The following IL1RAPL1 variants were observed in gnomAD, a reference collection of about 807,000 sequenced individuals.
IL1RAPL1 encodes interleukin-1 receptor accessory protein-like 1.
In IL1RAPL1, 3 loss-of-function variants were observed where a neutral mutation model predicts 48.4. The observed-to-expected ratio is 0.06, with a 90% confidence interval of 0.03 to 0.16. IL1RAPL1 has a LOEUF of 0.16. Ranked by LOEUF, IL1RAPL1 falls within the 10% of genes least tolerant of loss-of-function variation. IL1RAPL1 has a pLI of 1.00. For missense variants in IL1RAPL1, 349 were observed against 530.6 expected, an observed-to-expected ratio of 0.66 and a Z score of 3.36; for synonymous variants, 185 against 187.7, an observed-to-expected ratio of 0.99 and a Z score of 0.12.
chrX:29,187,184 T>C (rs962152098), intron 2 of IL1RAPL1, among the ~76,000 whole-genome samples: 14 of 112,274 alleles, frequency 1.2e-4, no homozygotes, highest in Non-Finnish European at 2.3e-4. Context: ...GCCATTCCTC[T>C]GTTCTAGACT....
At chrX:29,513,919 C>CT (rs1207151696) in intron 5 of IL1RAPL1, among the ~76,000 whole-genome samples, 1 of 111,463 alleles carries the variant, frequency 9.0e-6, no homozygotes, top group Non-Finnish European at 1.9e-5. Flanking sequence ...AGATGACAAA[C>CT]TTTTTTAGGT....
chrX:29,532,859 C>A (rs1921089850), intron 5 of IL1RAPL1, among the ~76,000 whole-genome samples: 1 of 111,543 alleles, frequency 9.0e-6, no homozygotes, highest in Non-Finnish European at 1.9e-5. Context: ...TCTTCCCTAC[C>A]CCATTGACTC....
At chrX:29,113,878 A>G (rs1172259203) in intron 2 of IL1RAPL1, among the ~76,000 whole-genome samples, 2 of 111,576 alleles carry the variant, frequency 1.8e-5, no homozygotes, top group Non-Finnish European at 3.8e-5. Context: ...TTGCTTGTCT[A>G]ACTGAAAAGC....
rs1039284525 is a variant in IL1RAPL1 at position 29,858,389 on chromosome X, G to A, written c.779-59075G>A. 3.6e-5 allele frequency among the ~76,000 whole-genome samples: 4 copies of A among 110,932 alleles called. 1 individual carries two copies. Among genetic ancestry groups the A allele is most frequent in the African/African-American group, 1.3e-4 (4 of 30,511 alleles). ...CAATTTAGTCTCTCTGCAGTTCCTA[G>A]GACCACATATACTCTGGGGAGTGCA... is the stretch of plus-strand genomic sequence containing the variant. On this transcript the variant is annotated intron_variant, in intron 6 of 10. Transcript: ENST00000378993.
chrX:29,383,740 T>C lies in IL1RAPL1; in HGVS notation c.363-12518T>C, dbSNP rs778420350. On this transcript the variant is annotated intron_variant, in intron 3 of 10. Transcript: ENST00000378993. ...AAAATTACATGGACTTGAACTGATA[T>C]TAAAATTGTATATAAAGGAATGGAA... is the stretch of plus-strand genomic sequence containing the variant. 3.6e-5 allele frequency among the ~76,000 whole-genome samples: 4 copies of C among 111,990 alleles called. No individual in the cohort carries two copies. The East Asian group carries it at 8.4e-4, about 23-fold the overall frequency.
intron 2 of IL1RAPL1, among the ~76,000 whole-genome samples, chrX:29,117,393 A>T (rs1267108440): frequency 1.8e-5 from 2 of 112,309 alleles, no homozygotes; most frequent in Non-Finnish European, 3.8e-5. Context: ...AGGACAAATA[A>T]GCAATTGAAA....
intron 6 of IL1RAPL1, among the ~76,000 whole-genome samples, chrX:29,765,247 T>C (rs1423752938): frequency 3.1e-5 from 2 of 64,257 alleles, no homozygotes; most frequent in East Asian, 1.0e-3. Context: ...GTTCTAGGCT[T>C]TTTTTTTTTT....
intron 3 of IL1RAPL1, among the ~76,000 whole-genome samples, chrX:29,316,658 A>G (rs1436275094): frequency 8.9e-6 from 1 of 112,000 alleles, no homozygotes; most frequent in Non-Finnish European, 1.9e-5. Context: ...CTTACAGGTC[A>G]TAGGTGGATT....
intron 7 of IL1RAPL1, among the ~76,000 whole-genome samples, chrX:29,918,123 C>CAAAAAAAAAAAAAAAAAAAAAAAAAAAA (rs781348669): frequency 1.3e-4 from 1 of 7,818 alleles, no homozygotes; most frequent in African/African-American, 6.5e-4. Context: ...ACTCTGTCTC[C>CAAAAAAAAAAAAAAAAAAAAAAAAAAAA]AAAAAAAAAA....
intron 2 of IL1RAPL1, among the ~76,000 whole-genome samples, chrX:28,867,462 G>A (rs767774043): frequency 9.0e-6 from 1 of 111,597 alleles, no homozygotes; most frequent in Non-Finnish European, 1.9e-5. Flanking sequence ...TGGACTTTTC[G>A]CCTGCAGACA....
intron 1 of IL1RAPL1, among the ~76,000 whole-genome samples, chrX:28,734,293 A>G (rs1935791398): frequency 9.0e-6 from 1 of 111,498 alleles, no homozygotes; most frequent in Non-Finnish European, 1.9e-5. Context: ...CAATTCATTC[A>G]TTACAAATGA....
At chrX:28,598,699 G>C (rs999820791) in intron 1 of IL1RAPL1, among the ~76,000 whole-genome samples, 30 of 105,482 alleles carry the variant, frequency 2.8e-4, no homozygotes, top group African/African-American at 9.4e-4. Flanking sequence ...TGCAATCTTG[G>C]CTCACTGCAA....
At chrX:28,722,895 T>C (rs755573182) in intron 1 of IL1RAPL1, among the ~76,000 whole-genome samples, 1 of 111,813 alleles carries the variant, frequency 8.9e-6, no homozygotes, top group African/African-American at 3.2e-5. Flanking sequence ...TGGATTACGT[T>C]TATTGATTTG....
intron 1 of IL1RAPL1, among the ~76,000 whole-genome samples, chrX:28,674,052 A>C (rs1185149013): frequency 8.9e-6 from 1 of 111,954 alleles, no homozygotes; most frequent in Non-Finnish European, 1.9e-5. Context: ...TTAACACTGA[A>C]CCAAACCATT....
chrX:29,638,368 T>G (rs1225499407), intron 5 of IL1RAPL1, among the ~76,000 whole-genome samples: 1 of 109,075 alleles, frequency 9.2e-6, no homozygotes, highest in Non-Finnish European at 1.9e-5. Flanking sequence ...CCTCCCGGGT[T>G]CAAGCGATTC....
chrX:29,056,851 G>A (rs1432450815), intron 2 of IL1RAPL1, among the ~76,000 whole-genome samples: 1 of 111,919 alleles, frequency 8.9e-6, no homozygotes, highest in Non-Finnish European at 1.9e-5. Context: ...GCCCGTAAGA[G>A]CATTTTAAAA....
chrX:29,699,897 G>T (rs1229758900), intron 6 of IL1RAPL1, among the ~76,000 whole-genome samples: 1 of 112,130 alleles, frequency 8.9e-6, no homozygotes, highest in Non-Finnish European at 1.9e-5. Flanking sequence ...TTTAAAAATA[G>T]AAATATGGTA....
At chrX:28,616,214 A>G (rs2146886025) in intron 1 of IL1RAPL1, among the ~76,000 whole-genome samples, 1 of 112,204 alleles carries the variant, frequency 8.9e-6, no homozygotes, top group South Asian at 3.7e-4. Flanking sequence ...TTTCAGGCCT[A>G]TCATTTTGTC....
At chrX:29,296,882 A>G (rs1239713284) in intron 3 of IL1RAPL1, among the ~76,000 whole-genome samples, 1 of 111,863 alleles carries the variant, frequency 8.9e-6, no homozygotes, top group Non-Finnish European at 1.9e-5. Flanking sequence ...GGCTTTTCTC[A>G]TCGGTTTGCT....
Sources: gnomAD v4.1 joint callset for allele counts (sites outside exome capture counted in the v4.1 genomes callset) on GRCh38, gnomAD v4.1.1 for gene constraint, MANE v1.5 for transcripts, NCBI Gene and HGNC (gene_info 2026-07-23, HGNC 2026-07-21) for gene names.